CFAP74: variants seen among roughly 807,000 people sequenced by gnomAD.
The protein encoded by CFAP74 is cilia- and flagella-associated protein 74.
In CFAP74, 124 loss-of-function variants were observed where a neutral mutation model predicts 188.9. That is an observed-to-expected ratio of 0.66 (90% CI 0.57 to 0.76). CFAP74 has a LOEUF of 0.76. Among genes scored for constraint, CFAP74 ranks in the 30% least tolerant of loss-of-function variants. The pLI is 0.00. For synonymous variants in CFAP74, 956 were observed against 916.7 expected (o/e 1.04, Z -0.77); for missense variants, 2,198 against 2,165.2 (o/e 1.02, Z -0.30).
At position 1,970,962 on chromosome 1, in the gene CFAP74, T is replaced by C. The variant is rs948105849; in HGVS notation, c.889-146A>G. 1.9e-4 allele frequency: 177 copies of C among 936,392 alleles called. 1 individual carries two copies. In the African/African-American group the frequency reaches 2.8e-3, roughly 15 times the overall value. The allele number at this position is 936,392 out of a possible 1,614,324, so 58.0% of individuals were successfully genotyped here. A position where few individuals can be genotyped will look rare whatever the true frequency, so the allele number is the denominator to read the frequency against. ...ACATGCACACCTGCACATGCACACA[T>C]CACACATGCACACCTGCACACACGT... On this transcript the variant is annotated intron_variant, in intron 9 of 38. Coordinates refer to ENST00000682832, the MANE Select transcript of CFAP74 (RefSeq NM_001304360.2).
chr1:1,983,561 C>G (rs1657039565), intron 6 of CFAP74: 1 of 152,264 alleles, frequency 6.6e-6, no homozygotes, highest in Non-Finnish European at 1.5e-5. Context: ...AGGCGAGGGG[C>G]CACCCTCGAC....
chr1:1,980,859 C>T (rs1021127886), intron 6 of CFAP74, among the ~76,000 whole-genome samples: 1 of 152,222 alleles, frequency 6.6e-6, no homozygotes, highest in Non-Finnish European at 1.5e-5. Context: ...CCTCAGAAAC[C>T]GAGACCATCA....
rs1275799449 is a variant in CFAP74 at position 1,975,412 on chromosome 1, C to T, written c.501-1214G>A. Reference sequence around the variant, plus strand: ...CAACTTGGCAAGGGAGGTGTGTCTGCGTGTCTCACACGTGGCTGGATTTCA... The same window carrying T: ...CAACTTGGCAAGGGAGGTGTGTCTGTGTGTCTCACACGTGGCTGGATTTCA... On this transcript the variant is annotated intron_variant, in intron 6 of 38. Transcript: ENST00000682832. This position sits in a 1 kb window ranked among gnomAD's most constrained non-coding sequence, Gnocchi z 4.5. 3.3e-5 allele frequency among the ~76,000 whole-genome samples: 5 copies of T among 152,180 alleles called. No individual in the cohort carries two copies. The highest frequency in any genetic ancestry group is 1.9e-4 in the East Asian group (1 of 5,202).
chr1:1,947,687 G>A (rs141100061), intron 18 of CFAP74, among the ~76,000 whole-genome samples: 20 of 152,348 alleles, frequency 1.3e-4, no homozygotes, highest in African/African-American at 4.3e-4. Context: ...CGTGCTGCCC[G>A]GTCGGGTCAG....
chr1:1,965,176 G>A (rs769538135), intron 12 of CFAP74, 115 bp from the exon 13 acceptor site: 41 of 1,026,072 alleles, frequency 4.0e-5, no homozygotes, highest in Middle Eastern at 2.7e-4. Context: ...CAGCCCCACC[G>A]GCTGCCACCA....
chr1:1,958,018 C>G (rs768017546), intron 16 of CFAP74, among the ~76,000 whole-genome samples: 4 of 152,018 alleles, frequency 2.6e-5, no homozygotes, highest in Admixed American at 6.5e-5. Flanking sequence ...ACCAAATACT[C>G]AAACACTGGT....
Sources: gnomAD v4.1 joint callset for allele counts (sites outside exome capture counted in the v4.1 genomes callset) on GRCh38, gnomAD v4.1.1 for gene constraint, Gnocchi (gnomAD v3.1) non-coding constraint, MANE v1.5 for transcripts, NCBI Gene and HGNC (gene_info 2026-07-23, HGNC 2026-07-21) for gene names.